Variants in RFPL4A observed in about 807,000 individuals in gnomAD.
RFPL4A encodes the protein ret finger protein-like 4A.
A neutral mutation model predicts 8.3 loss-of-function variants in RFPL4A; 4 were observed. The ratio of observed to expected loss-of-function variants is 0.48; its 90% CI spans 0.24 to 1.10. The LOEUF is 1.10. Among genes scored for constraint, RFPL4A ranks in the 50% least tolerant of loss-of-function variants. The pLI is 0.18. For synonymous variants in RFPL4A, 43 were observed against 136.6 expected, an observed-to-expected ratio of 0.31 and a Z score of 4.78; for missense variants, 111 against 358.7, an observed-to-expected ratio of 0.31 and a Z score of 5.58.
At chr19:55,757,754 T>G (rs1427671400), upstream of RFPL4A, among the ~76,000 whole-genome samples, 7 of 152,072 alleles carry the variant, frequency 4.6e-5, no homozygotes, top group Non-Finnish European at 1.0e-4. Context: ...TCCCAAGACA[T>G]GAGCATGAAT....
At chr19:55,761,718 A>G (rs1306666853) in intron 1 of RFPL4A, 74 bp from the exon 2 acceptor site, 2 of 1,445,718 alleles carry the variant, frequency 1.4e-6, no homozygotes, top group Admixed American at 2.1e-5. Flanking sequence ...ATGTAAAGAT[A>G]AAAGCCCCAA....
chr19:55,760,591 G>T (rs1600156400), intron 1 of RFPL4A, among the ~76,000 whole-genome samples: 1 of 151,440 alleles, frequency 6.6e-6, no homozygotes, highest in South Asian at 2.1e-4. Context: ...ACTACATATG[G>T]GCATGCTGGG....
intron 1 of RFPL4A, among the ~76,000 whole-genome samples, chr19:55,759,546 A>G (rs1989240029): frequency 6.9e-6 from 1 of 144,182 alleles, no homozygotes; most frequent in African/African-American, 2.6e-5. Context: ...TTATTTTCTG[A>G]TTTTTTTTTT....
chr19:55,759,875 C>T (rs147210285), intron 1 of RFPL4A, among the ~76,000 whole-genome samples: 2,437 of 151,586 alleles, frequency 0.016, 103 homozygotes, highest in African/African-American at 0.056. Flanking sequence ...CACATTGGTG[C>T]AATGCCAGAA....
intron 1 of RFPL4A, among the ~76,000 whole-genome samples, chr19:55,761,096 T>C (rs1989272490): frequency 1.4e-5 from 2 of 138,778 alleles, no homozygotes; most frequent in African/African-American, 2.6e-5. Context: ...TTTTTTTTTT[T>C]TTTTCCGCTA....
At chr19:55,758,235 G>T (rs1325114435), upstream of RFPL4A, among the ~76,000 whole-genome samples, 2 of 152,304 alleles carry the variant, frequency 1.3e-5, no homozygotes, top group Middle Eastern at 3.2e-3. Context: ...GAGACAAAAG[G>T]AATTGAGAAC....
chr19:55,760,127 C>T (rs1010562611), intron 1 of RFPL4A, among the ~76,000 whole-genome samples: 1 of 151,628 alleles, frequency 6.6e-6, no homozygotes. Flanking sequence ...CTACTATTTT[C>T]TGTAGTGGTT....
upstream of RFPL4A, among the ~76,000 whole-genome samples, chr19:55,758,830 C>CGATTTTAATT (rs1180186677): frequency 6.8e-5 from 10 of 148,106 alleles, no homozygotes; most frequent in Admixed American, 2.7e-4. Context: ...CCAAATTTTA[C>CGATTTTAATT]GATTTTAATT....
In RFPL4A at chr19:55,761,863, C is replaced by G; in HGVS notation, c.63C>G (p.Ala21=). 1 of 1,494,714 alleles carries G rather than the reference C, an allele frequency of 6.7e-7. No homozygotes were observed. Among genetic ancestry groups the G allele is most frequent in the Non-Finnish European group, 9.1e-7 (1 of 1,103,432 alleles). 92.6% of individuals were successfully genotyped at this position (1,494,714 alleles called of 1,614,324 possible). ...TCTGTCTAAAAGATCTTGAAGAAGC[C>G]GTGCAACTGAAATGTGGATATGCCT... ...CPVCLKDLEE[A]VQLKCGYACC... The change falls in exon 2 of 3, where the codon GCC becomes GCG. Residue 21 remains alanine (A), a synonymous_variant. Coordinates refer to ENST00000434937, the MANE Select transcript of RFPL4A (RefSeq NM_001145014.2).
chr19:55,762,219 A>G, intron 2 of RFPL4A, 133 bp downstream of exon 2: 1 of 631,374 alleles, frequency 1.6e-6, no homozygotes, highest in Non-Finnish European at 2.8e-6. Context: ...AAACAACAGC[A>G]GTTCTCACCT....
At chr19:55,757,774 G>A (rs1371652622), upstream of RFPL4A, among the ~76,000 whole-genome samples, 1 of 151,982 alleles carries the variant, frequency 6.6e-6, no homozygotes, top group East Asian at 1.9e-4. Context: ...TGCAATTCCA[G>A]GCTGTAAGAT....
At chr19:55,758,538 T>C (rs1280991811), upstream of RFPL4A, among the ~76,000 whole-genome samples, 1 of 151,450 alleles carries the variant, frequency 6.6e-6, no homozygotes, top group East Asian at 1.9e-4. Context: ...TTAACTTTCA[T>C]TTTAGATGCT....
chr19:55,758,535 T>G (rs573913212), upstream of RFPL4A, among the ~76,000 whole-genome samples: 2 of 151,558 alleles, frequency 1.3e-5, no homozygotes, highest in East Asian at 3.8e-4. Context: ...CGTTTAACTT[T>G]CATTTTAGAT....
intron 1 of RFPL4A, among the ~76,000 whole-genome samples, chr19:55,759,732 A>G (rs1041912118): frequency 5.3e-5 from 8 of 151,374 alleles, no homozygotes; most frequent in Non-Finnish European, 1.0e-4. Context: ...TCTGTCTGCC[A>G]GGCTGGAGTG....
chr19:55,759,319 T>C (rs2868057), intron 1 of RFPL4A, 144 bp downstream of exon 1: 1 of 151,976 alleles, frequency 6.6e-6, no homozygotes, highest in Non-Finnish European at 1.5e-5. Context: ...GGGGACCTCT[T>C]CCCTGGTAAC....
upstream of RFPL4A, chr19:55,759,079 C>A (rs1425067549): frequency 1.4e-5 from 2 of 140,774 alleles, no homozygotes; most frequent in Non-Finnish European, 3.2e-5. Flanking sequence ...GTGGAGACAC[C>A]CTCTGGTATA....
In RFPL4A at chr19:55,759,097, C is replaced by G. The variant is rs113009364; in HGVS notation, c.-88C>G. ...GAGACACCCTCTGGTATAAAAGCCC[C>G]TGGCAGGCAGCTCTCACTCCAGATC... On this transcript the variant is annotated 5_prime_UTR_variant, in exon 1 of 3. Transcript: ENST00000434937. 2 of 121,718 alleles carry G rather than the reference C, an allele frequency of 1.6e-5. 1 individual carries two copies. Among genetic ancestry groups the G allele is most frequent in the Non-Finnish European group, 3.9e-5 (2 of 51,602 alleles). 7.5% of individuals were successfully genotyped at this position (121,718 alleles called of 1,614,324 possible).
chr19:55,759,550 T>A (rs1311783301), intron 1 of RFPL4A, among the ~76,000 whole-genome samples: 1 of 151,840 alleles, frequency 6.6e-6, no homozygotes, highest in Admixed American at 6.5e-5. Flanking sequence ...TTTCTGATTT[T>A]TTTTTTGTTC....
At chr19:55,758,355 A>T (rs1338464877), upstream of RFPL4A, among the ~76,000 whole-genome samples, 1 of 152,264 alleles carries the variant, frequency 6.6e-6, no homozygotes, top group African/African-American at 2.4e-5. Context: ...ATGTAATCAA[A>T]TCCTTTCCCA....
Sources: gnomAD v4.1 joint callset for allele counts (sites outside exome capture counted in the v4.1 genomes callset) on GRCh38, gnomAD v4.1.1 for gene constraint, MANE v1.5 for transcripts, NCBI Gene and HGNC (gene_info 2026-07-23, HGNC 2026-07-21) for gene names.